ESRP1: variants seen among roughly 807,000 people sequenced by gnomAD.
ESRP1 encodes the protein epithelial splicing regulatory protein 1, also known as RNA-binding motif protein 35A.
Under a neutral mutation model 81.7 loss-of-function variants are expected in ESRP1, and 33 were observed. The ratio of observed to expected loss-of-function variants is 0.40; its 90% CI spans 0.31 to 0.54. The LOEUF is 0.54. Ranked by LOEUF, ESRP1 falls within the 20% of genes least tolerant of loss-of-function variation. The pLI is 0.41. For missense variants in ESRP1, 672 were observed against 833.1 expected (o/e 0.81, Z 2.38); for synonymous variants, 320 against 303.3 (o/e 1.06, Z -0.57).
intron 15 of ESRP1, among the ~76,000 whole-genome samples, chr8:94,697,221 C>T (rs1454121843): frequency 6.6e-6 from 1 of 152,100 alleles, no homozygotes; most frequent in African/African-American, 2.4e-5. Context: ...TACTATCTCT[C>T]ATGTGGAGTA....
At position 94,662,493 on chromosome 8, in the gene ESRP1, A is replaced by G. The variant is rs1479222356; in HGVS notation, c.590-8A>G. 6.2e-7 allele frequency: 1 copy of G among 1,601,776 alleles called. No individual in the cohort carries two copies. The highest frequency in any genetic ancestry group is 8.5e-7 in the Non-Finnish European group (1 of 1,173,890). Reference sequence around the variant, plus strand: ...CTAAAATGATGACTTTTATGTTCTCATTTTTAGATCACAGGTTTTCAGATC... The same window carrying G: ...CTAAAATGATGACTTTTATGTTCTCGTTTTTAGATCACAGGTTTTCAGATC... On this transcript the variant is annotated splice_polypyrimidine_tract_variant and splice_region_variant and intron_variant, in intron 5 of 15. Transcript: ENST00000433389.
In ESRP1 at chr8:94,664,690, T is replaced by C. The variant is rs1165805699; in HGVS notation, c.645-7T>C. On this transcript the variant is annotated splice_polypyrimidine_tract_variant and splice_region_variant and intron_variant, in intron 6 of 15. Coordinates refer to ENST00000433389, the MANE Select transcript of ESRP1 (RefSeq NM_017697.4). The stretch of plus-strand genomic sequence containing the variant: ...TCATGCAACCTGAAGTTTTGCTTCA[T>C]CCACAGCAGCAAGATGGAACTTATT... 3.1e-6 allele frequency: 5 copies of C among 1,610,546 alleles called. No homozygotes were observed. Among genetic ancestry groups the C allele is most frequent in the Non-Finnish European group, 4.2e-6 (5 of 1,176,948 alleles).
Position 94,664,804 on chromosome 8 carries a change from C to A in ESRP1, c.752C>A (p.Ala251Asp). The A allele has an allele frequency of 6.2e-7, 1 of 1,613,244 alleles. No homozygotes were observed. The highest frequency in any genetic ancestry group is 8.5e-7 in the Non-Finnish European group (1 of 1,179,436). The part of the protein sequence containing the change: ...IARFFKGLNI[A>D]KGGAALCLNA... ...AGATTCTTCAAAGGACTCAATATTG[C>A]CAAGTTGGTTTTCTTAAATATCTAT... Residue 251 changes from alanine to aspartate, a missense_variant, in exon 7 of 16, where the codon GCC (alanine) becomes GAC (aspartate). By Grantham distance (126) the Ala-to-Asp change is moderately radical (BLOSUM62 -2). Coordinates refer to ENST00000433389, the MANE Select transcript of ESRP1 (RefSeq NM_017697.4).
At chr8:94,665,615 C>T (rs532567463) in intron 9 of ESRP1, among the ~76,000 whole-genome samples, 152 of 152,252 alleles carry the variant, frequency 1.0e-3, no homozygotes, top group African/African-American at 3.3e-3. Flanking sequence ...CCTCCGCCTC[C>T]GTAGTGGCTG....
At chr8:94,665,389 A>G (rs1421269593) in intron 9 of ESRP1, among the ~76,000 whole-genome samples, 193 bp downstream of exon 9, 1 of 152,240 alleles carries the variant, frequency 6.6e-6, no homozygotes, top group Non-Finnish European at 1.5e-5. Flanking sequence ...CACTTGTCCT[A>G]AGGCTTGAGC....
In ESRP1 at chr8:94,641,213, C is replaced by T; in HGVS notation, c.-106C>T. On this transcript the variant is annotated 5_prime_UTR_variant, in exon 1 of 16. Transcript: ENST00000433389. ...GTAGCAAGGAAGGGGGGTGGGCGCTCTTTCTTTTTCTCTTAGAAGAGGGTT... is the reference window on the plus strand; with the variant it reads ...GTAGCAAGGAAGGGGGGTGGGCGCTTTTTCTTTTTCTCTTAGAAGAGGGTT... The T allele has an allele frequency of 8.8e-7, 1 of 1,134,572 alleles. No homozygotes were observed. Among genetic ancestry groups the T allele is most frequent in the Non-Finnish European group, 1.2e-6 (1 of 820,784 alleles). 70.3% of individuals were successfully genotyped at this position (1,134,572 alleles called of 1,614,324 possible).
chr8:94,660,222 C>T (rs1386008025), intron 4 of ESRP1, among the ~76,000 whole-genome samples: 1 of 152,184 alleles, frequency 6.6e-6, no homozygotes, highest in Non-Finnish European at 1.5e-5. Context: ...AAAGCTGATT[C>T]TCTTGTTATA....
chr8:94,671,036 G>GAT (rs1483084683), intron 10 of ESRP1, among the ~76,000 whole-genome samples: 1 of 152,138 alleles, frequency 6.6e-6, no homozygotes, highest in Non-Finnish European at 1.5e-5. Flanking sequence ...TTAGTGAAAT[G>GAT]ATATATTTCT....
At chr8:94,678,479 T>A (rs1341554603) in intron 13 of ESRP1, 108 bp downstream of exon 13, 1 of 1,308,784 alleles carries the variant, frequency 7.6e-7, no homozygotes, top group Non-Finnish European at 1.0e-6. Flanking sequence ...AAGGTTAGCG[T>A]GGCAGGCCAC....
intron 6 of ESRP1, among the ~76,000 whole-genome samples, chr8:94,663,163 T>C (rs968430874): frequency 2.0e-5 from 3 of 152,216 alleles, no homozygotes; most frequent in African/African-American, 7.2e-5. Context: ...TTTAGAAAAT[T>C]TCCAAAGGAG....
chr8:94,682,458 C>T (rs541632950), intron 13 of ESRP1, among the ~76,000 whole-genome samples: 1 of 152,248 alleles, frequency 6.6e-6, no homozygotes, highest in East Asian at 1.9e-4. Flanking sequence ...CCTTGATCTC[C>T]CAGGCTCAAG....
intron 6 of ESRP1, among the ~76,000 whole-genome samples, 168 bp downstream of exon 6, chr8:94,662,723 TCAGCCTCCCGAGTAGCTGGGACTA>T (rs1818813088): frequency 6.6e-6 from 1 of 152,068 alleles, no homozygotes; most frequent in Admixed American, 6.6e-5. Context: ...TTCTCCTGCC[TCAGCCTCCCGAGTAGCTGGGACTA>T]CAGGCTCCCG....
intron 4 of ESRP1, among the ~76,000 whole-genome samples, chr8:94,659,273 G>C (rs1818595537): frequency 6.6e-6 from 1 of 152,130 alleles, no homozygotes; most frequent in Non-Finnish European, 1.5e-5. Flanking sequence ...AACAACATTT[G>C]CTCACTTGTC....
chr8:94,704,662 C>T (rs1406725886), intron 15 of ESRP1, among the ~76,000 whole-genome samples: 2 of 149,546 alleles, frequency 1.3e-5, no homozygotes, highest in Non-Finnish European at 3.0e-5. Flanking sequence ...TTCAGGAGGC[C>T]GAGGTGGAGG....
intron 4 of ESRP1, among the ~76,000 whole-genome samples, chr8:94,661,090 G>A (rs528408789): frequency 1.3e-5 from 2 of 152,248 alleles, no homozygotes; most frequent in Admixed American, 6.5e-5. Context: ...GCCCAGGCTG[G>A]AGTGCAGTGG....
At chr8:94,682,872 A>G (rs1480863285) in intron 13 of ESRP1, among the ~76,000 whole-genome samples, 2 of 136,904 alleles carry the variant, frequency 1.5e-5, no homozygotes, top group South Asian at 2.3e-4. Flanking sequence ...GTATATACAT[A>G]TATATATTCA....
Position 94,705,968 on chromosome 8 carries a change from A to G in ESRP1, c.*79A>G. Reference sequence around the variant, plus strand: ...TGATCTTGAAACCTCCAGACACAAGAAAACTTCTAGCAAATTCAGGGGAAG... The same window carrying G: ...TGATCTTGAAACCTCCAGACACAAGGAAACTTCTAGCAAATTCAGGGGAAG... On this transcript the variant is annotated 3_prime_UTR_variant, in exon 16 of 16. Coordinates refer to ENST00000433389, the MANE Select transcript of ESRP1 (RefSeq NM_017697.4). 6.6e-7 allele frequency: 1 copy of G among 1,525,334 alleles called. No homozygotes were observed. Among genetic ancestry groups the G allele is most frequent in the Non-Finnish European group, 8.8e-7 (1 of 1,140,064 alleles). The allele number at this position is 1,525,334 out of a possible 1,614,324, so 94.5% of individuals were successfully genotyped here. A position where few individuals can be genotyped will look rare whatever the true frequency, so the allele number is the denominator to read the frequency against.
chr8:94,693,687 G>A (rs1809490983), intron 14 of ESRP1, among the ~76,000 whole-genome samples: 1 of 152,152 alleles, frequency 6.6e-6, no homozygotes, highest in African/African-American at 2.4e-5. Flanking sequence ...CGGAATAATA[G>A]TCACATTCTA....
rs568593667 is a variant in ESRP1, at chr8:94,664,917, A to G, written c.756-10A>G. 8.1e-6 allele frequency: 13 copies of G among 1,608,234 alleles called. No homozygotes were observed. The highest frequency in any genetic ancestry group is 1.0e-5 in the Non-Finnish European group (12 of 1,178,442). On this transcript the variant is annotated splice_polypyrimidine_tract_variant and intron_variant, in intron 7 of 15. Transcript: ENST00000433389. The stretch of plus-strand genomic sequence containing the variant: ...TTTTCTACCTGCTGTCTGTTTTATT[A>G]TTCTCAAAGGGGAGGTGCAGCACTT...
Sources: allele counts gnomAD v4.1 joint callset (sites outside exome capture counted in the v4.1 genomes callset), GRCh38; gene constraint gnomAD v4.1.1; transcripts MANE v1.5; gene names NCBI Gene and HGNC (gene_info 2026-07-23, HGNC 2026-07-21).